Variants in ADAM11 observed in about 807,000 individuals in gnomAD.
ADAM11 encodes the protein ADAM metallopeptidase domain 11.
Under a neutral mutation model 119.1 loss-of-function variants are expected in ADAM11, and 49 were observed. The ratio of observed to expected loss-of-function variants is 0.41; its 90% CI spans 0.33 to 0.52. ADAM11 has a LOEUF of 0.52. Among genes scored for constraint, ADAM11 ranks in the 20% least tolerant of loss-of-function variants. ADAM11 has a pLI of 0.20. For missense variants in ADAM11, 777 were observed against 1,047.5 expected, an observed-to-expected ratio of 0.74 and a Z score of 3.56; for synonymous variants, 364 against 408.0, an observed-to-expected ratio of 0.89 and a Z score of 1.30.
intron 2 of ADAM11, among the ~76,000 whole-genome samples, chr17:44,762,419 CTT>C (rs1376481217): frequency 2.0e-5 from 3 of 152,196 alleles, no homozygotes; most frequent in Non-Finnish European, 4.4e-5. Context: ...GGTTAGAGCG[CTT>C]TTGGCCTCAG....
Position 44,777,736 on chromosome 17 carries a change from A to G in ADAM11, c.1943A>G (p.Tyr648Cys). The stretch of plus-strand genomic sequence containing the variant: ...CTGGCGGACGGCTCTGACCTGAGCT[A>G]TGTGGAGGATGGCACAGCCTGCGGG... ...VQLADGSDLS[Y>C]VEDGTACGPN... Residue 648 changes from tyrosine (Y) to cysteine (C), a missense_variant, in exon 23 of 27, where the codon TAT becomes TGT. Physicochemically the swap from Tyr to Cys is radical, Grantham distance 194. Around this residue, in one of 4 missense-constraint regions of ADAM11, gnomAD observed 348 missense variants for 486.7 expected, o/e 0.72. Coordinates refer to ENST00000200557, the MANE Select transcript of ADAM11 (RefSeq NM_002390.6). This position sits in a 1 kb window ranked among gnomAD's most constrained non-coding sequence, Gnocchi z 5.1. The G allele has an allele frequency of 6.2e-7, 1 of 1,613,990 alleles. No homozygotes were observed. The highest frequency in any genetic ancestry group is 8.5e-7 in the Non-Finnish European group (1 of 1,179,966).
rs1203426846 is a variant in ADAM11, at chr17:44,772,883, C to T, written c.705C>T (p.His235=). ...RQVRRGHPTV[H]SETKYVELIV... ...TCCGCCGGGGCCACCCTACAGTGCA[C>T]AGTGAAACCAAGTATGTGGAGCTAA... is the stretch of plus-strand genomic sequence containing the variant. The change falls in exon 9 of 27, where the codon CAC becomes CAT. Residue 235 remains histidine (H), a synonymous_variant. Coordinates refer to ENST00000200557, the MANE Select transcript of ADAM11 (RefSeq NM_002390.6). The surrounding 1 kb of genome is among the most constrained non-coding windows in gnomAD (Gnocchi z 4.5). 1.2e-6 allele frequency: 2 copies of T among 1,614,074 alleles called. No homozygotes were observed. The highest frequency in any genetic ancestry group is 1.1e-5 in the South Asian group (1 of 91,084).
rs147273221 is a variant in ADAM11 at position 44,777,212 on chromosome 17, G to A, written c.1728G>A (p.Thr576=). ...ACGAGAAGCTGAATGTGGAGGGGAC[G>A]GAGCGTGGGAGCTGTGGGCGCAAGG... ...FCYEKLNVEG[T]ERGSCGRKGS... is the part of the protein sequence containing the mutation. The change falls in exon 21 of 27, where the codon ACG becomes ACA. Residue 576 remains threonine (T), a synonymous_variant. Transcript: ENST00000200557. This position sits in a 1 kb window ranked among gnomAD's most constrained non-coding sequence, Gnocchi z 5.1. 6,731 of 1,609,016 alleles carry A rather than the reference G, an allele frequency of 4.2e-3. 19 individuals carry two copies. The highest frequency in any genetic ancestry group is 5.2e-3 in the Non-Finnish European group (6,090 of 1,179,484).
chr17:44,759,395 C>A (rs944516332), intron 1 of ADAM11, 135 bp downstream of exon 1: 2 of 1,260,494 alleles, frequency 1.6e-6, no homozygotes, highest in East Asian at 3.2e-5. Context: ...GGTAGGGGAG[C>A]GGGAGAGGAG....
chr17:44,774,873 A>G, intron 14 of ADAM11, 124 bp downstream of exon 14: 2 of 1,244,598 alleles, frequency 1.6e-6, no homozygotes, highest in East Asian at 2.5e-5. Context: ...CAGGATCCCA[A>G]GAAGCCCAGT....
Position 44,774,315 on chromosome 17 carries a change from C to T in ADAM11, c.1013C>T (p.Thr338Met), listed in dbSNP as rs1351638148. ...HLFSGRTFQS[T>M]SSGAAYVGGI... ...TCCAGGGGCAGGACCTTCCAGAGCACGAGCAGCGGGGCAGCCTACGTGGGG... is the reference window on the plus strand; with the variant it reads ...TCCAGGGGCAGGACCTTCCAGAGCATGAGCAGCGGGGCAGCCTACGTGGGG... The change falls in exon 12 of 27, where the codon ACG becomes ATG. Residue 338 changes from threonine (T) to methionine (M), a missense_variant. Thr to Met is a moderately conservative substitution (Grantham distance 81). Coordinates refer to ENST00000200557, the MANE Select transcript of ADAM11 (RefSeq NM_002390.6). 9 of 1,471,786 alleles carry T rather than the reference C, an allele frequency of 6.1e-6. No individual in the cohort carries two copies. The highest frequency in any genetic ancestry group is 1.4e-5 in the South Asian group (1 of 71,702). 91.2% of individuals were successfully genotyped at this position (1,471,786 alleles called of 1,614,324 possible). A position where few individuals can be genotyped will look rare whatever the true frequency, so the allele number is the denominator to read the frequency against.
chr17:44,759,121 T>G lies in ADAM11; in HGVS notation c.-79T>G. 8.1e-6 allele frequency: 2 copies of G among 247,040 alleles called. No homozygotes were observed. Among genetic ancestry groups the G allele is most frequent in the Non-Finnish European group, 1.1e-5 (2 of 188,138 alleles). The allele number at this position is 247,040 out of a possible 1,614,324, so 15.3% of individuals were successfully genotyped here. A position where few individuals can be genotyped will look rare whatever the true frequency, so the allele number is the denominator to read the frequency against. On this transcript the variant is annotated 5_prime_UTR_variant, in exon 1 of 27. Transcript: ENST00000200557. Reference sequence around the variant, plus strand: ...CCGCCCCGGCTCCGCAGCTGGCGCCTCCCCACCCCCGTCCCTGCTCCCGCC... The same window carrying G: ...CCGCCCCGGCTCCGCAGCTGGCGCCGCCCCACCCCCGTCCCTGCTCCCGCC...
chr17:44,759,283 C>G (rs1313673678), intron 1 of ADAM11, 23 bp downstream of exon 1: 1 of 1,377,358 alleles, frequency 7.3e-7, no homozygotes, highest in South Asian at 1.6e-5. Flanking sequence ...CGCCCGGCCC[C>G]GGCGCCCCCT....
In ADAM11 at chr17:44,779,849, A is replaced by G; in HGVS notation, c.*95A>G. ...AGCCACGGAGGGAGGCACCATGCAA[A>G]TGTCTTCCAGGTCCAAACCCTTCAA... On this transcript the variant is annotated 3_prime_UTR_variant, in exon 27 of 27. Transcript: ENST00000200557. 6.6e-7 allele frequency: 1 copy of G among 1,526,212 alleles called. No individual in the cohort carries two copies. Among genetic ancestry groups the G allele is most frequent in the Non-Finnish European group, 9.0e-7 (1 of 1,105,872 alleles). The allele number at this position is 1,526,212 out of a possible 1,614,324, so 94.5% of individuals were successfully genotyped here. A position where few individuals can be genotyped will look rare whatever the true frequency, so the allele number is the denominator to read the frequency against.
rs771737453 is a variant in ADAM11 at position 44,769,708 on chromosome 17, C to A, written c.238-10C>A. 4 of 1,486,492 alleles carry A rather than the reference C, an allele frequency of 2.7e-6. No homozygotes were observed. Among genetic ancestry groups the A allele is most frequent in the Non-Finnish European group, 3.8e-6 (4 of 1,063,682 alleles). The allele number at this position is 1,486,492 out of a possible 1,614,324, so 92.1% of individuals were successfully genotyped here. Reference sequence around the variant, plus strand: ...TGGGTTGACTCCCCCTCTGCCCTCCCCCCACCCAGCCTGTCCATCTGGCCC... The same window carrying A: ...TGGGTTGACTCCCCCTCTGCCCTCCACCCACCCAGCCTGTCCATCTGGCCC... On this transcript the variant is annotated splice_polypyrimidine_tract_variant and intron_variant, in intron 2 of 26. Transcript: ENST00000200557.
intron 25 of ADAM11, 97 bp from the exon 26 acceptor site, chr17:44,779,125 G>A (rs900467486): frequency 8.9e-5 from 133 of 1,498,946 alleles, no homozygotes; most frequent in African/African-American, 8.5e-4. Context: ...CCGCTCTGGG[G>A]CAAGGGGTCG....
rs1275870155 is a variant in ADAM11, at chr17:44,779,764, T to C, written c.*10T>C. 6.2e-7 allele frequency: 1 copy of C among 1,610,114 alleles called. No homozygotes were observed. Among genetic ancestry groups the C allele is most frequent in the African/African-American group, 1.3e-5 (1 of 74,712 alleles). On this transcript the variant is annotated 3_prime_UTR_variant, in exon 27 of 27. Transcript: ENST00000200557. ...GTCCGGAGGGGCCTAAGTGCCACCC[T>C]CCTCCCTCCAAGCCTGGCACCCACC...
chr17:44,779,380 T>C, intron 26 of ADAM11, 141 bp downstream of exon 26: 1 of 1,458,268 alleles, frequency 6.9e-7, no homozygotes, highest in Non-Finnish European at 9.0e-7. Context: ...GCTGCCAGGC[T>C]GTCCCGGCAG....
chr17:44,777,937 C>G lies in ADAM11; in HGVS notation c.2071-15C>G, dbSNP rs757813950. On this transcript the variant is annotated splice_polypyrimidine_tract_variant and intron_variant, in intron 23 of 26. Transcript: ENST00000200557. The surrounding 1 kb of genome is among the most constrained non-coding windows in gnomAD (Gnocchi z 5.1). ...AGGCCCCTGCTCACCTCTCCTGGCC[C>G]TGCCCTGCCTCTAGGTCTGCAGCAA... 12 of 1,613,928 alleles carry G rather than the reference C, an allele frequency of 7.4e-6. No homozygotes were observed. Among genetic ancestry groups the G allele is most frequent in the Non-Finnish European group, 1.0e-5 (12 of 1,179,920 alleles).
rs1348873262 is a variant in ADAM11, at chr17:44,781,195, CCT to C, written c.*1442_*1443del. On this transcript the variant is annotated 3_prime_UTR_variant, in exon 27 of 27. Transcript: ENST00000200557. ...GGCCCGTGAGCTACCTGCTTGAGCC[CCT>C]GTTTCTGGGGCACCTTCGAGGAGGC... is the stretch of plus-strand genomic sequence containing the variant. The C allele has an allele frequency of 3.3e-5, 5 of 152,246 alleles. No homozygotes were observed. Among genetic ancestry groups the C allele is most frequent in the East Asian group, 1.9e-4 (1 of 5,184 alleles). The allele number at this position is 152,246 out of a possible 1,614,324, so 9.4% of individuals were successfully genotyped here. A position where few individuals can be genotyped will look rare whatever the true frequency, so the allele number is the denominator to read the frequency against.
At chr17:44,774,134 G>T (rs35318072) in intron 11 of ADAM11, among the ~76,000 whole-genome samples, 161 bp from the exon 12 acceptor site, 2 of 151,894 alleles carry the variant, frequency 1.3e-5, no homozygotes, top group African/African-American at 2.4e-5. Flanking sequence ...ACCCAAGGAG[G>T]GGGGGAAGGG....
chr17:44,769,732 C>G lies in ADAM11; in HGVS notation c.252C>G (p.Ala84=). Residue 84 remains alanine, a synonymous_variant, in exon 3 of 27, where the codon GCC becomes GCG. Transcript: ENST00000200557. ...EPPGGPPVHL[A]QVSFVIPAFN... Reference sequence around the variant, plus strand: ...CCCCCACCCAGCCTGTCCATCTGGCCCAGGTGAGTTTCGTCATCCCAGCCT... The same window carrying G: ...CCCCCACCCAGCCTGTCCATCTGGCGCAGGTGAGTTTCGTCATCCCAGCCT... 1 of 1,613,794 alleles carries G rather than the reference C, an allele frequency of 6.2e-7. No individual in the cohort carries two copies. Among genetic ancestry groups the G allele is most frequent in the Non-Finnish European group, 8.5e-7 (1 of 1,179,722 alleles).
intron 2 of ADAM11, among the ~76,000 whole-genome samples, chr17:44,764,493 A>T (rs2049424591): frequency 1.3e-5 from 2 of 152,116 alleles, no homozygotes; most frequent in African/African-American, 2.4e-5. Flanking sequence ...GTTGGGGCAG[A>T]TGGCTAGAAG....
Position 44,772,761 on chromosome 17 carries a change from C to A in ADAM11, c.679-96C>A. 1 of 1,151,438 alleles carries A rather than the reference C, an allele frequency of 8.7e-7. No individual in the cohort carries two copies. The highest frequency in any genetic ancestry group is 1.3e-6 in the Non-Finnish European group (1 of 784,976). 71.3% of individuals were successfully genotyped at this position (1,151,438 alleles called of 1,614,324 possible). On this transcript the variant is annotated intron_variant, in intron 8 of 26. Transcript: ENST00000200557. The surrounding 1 kb of genome is among the most constrained non-coding windows in gnomAD (Gnocchi z 4.5). Reference sequence around the variant, plus strand: ...GCTGGCACTGTCCCTGGCTGGAGTCCAGACCCCCCCATCCCCACCGAGTCT... The same window carrying A: ...GCTGGCACTGTCCCTGGCTGGAGTCAAGACCCCCCCATCCCCACCGAGTCT...
Sources: gnomAD v4.1 joint callset for allele counts (sites outside exome capture counted in the v4.1 genomes callset) on GRCh38, gnomAD v4.1.1 for gene constraint, gnomAD v4.1.1 regional missense constraint, Gnocchi (gnomAD v3.1) non-coding constraint, MANE v1.5 for transcripts, NCBI Gene and HGNC (gene_info 2026-07-23, HGNC 2026-07-21) for gene names.